DPP10: variants seen among roughly 807,000 people sequenced by gnomAD.
DPP10 encodes inactive dipeptidyl peptidase 10.
A neutral mutation model predicts 120.9 loss-of-function variants in DPP10; 33 were observed. That is an observed-to-expected ratio of 0.27 (90% CI 0.21 to 0.37). The LOEUF (loss-of-function observed/expected upper bound fraction) is 0.37. Ranked by LOEUF, DPP10 falls within the 10% of genes least tolerant of loss-of-function variation. The pLI is 1.00. For missense variants in DPP10, 816 were observed against 942.8 expected (o/e 0.87, Z 1.76); for synonymous variants, 337 against 326.1 (o/e 1.03, Z -0.36).
chr2:115,156,722 A>T (rs1334351351), intron 1 of DPP10, among the ~76,000 whole-genome samples: 2 of 152,228 alleles, frequency 1.3e-5, no homozygotes, highest in Non-Finnish European at 2.9e-5. Context: ...TGTCTTGGTT[A>T]TGGAAACGAG....
intron 1 of DPP10, among the ~76,000 whole-genome samples, chr2:114,986,217 T>C (rs1195699904): frequency 6.6e-6 from 1 of 152,252 alleles, no homozygotes; most frequent in Non-Finnish European, 1.5e-5. Context: ...TTTGCCTTCC[T>C]TTTATTTAGA....
At chr2:114,454,539 G>A (rs1678459705) in intron 1 of DPP10, among the ~76,000 whole-genome samples, 1 of 152,090 alleles carries the variant, frequency 6.6e-6, no homozygotes, top group South Asian at 2.1e-4. Context: ...CAGCTCTAAG[G>A]AACTAGTTTT....
At chr2:115,821,163 A>G (rs1687779749) in intron 21 of DPP10, among the ~76,000 whole-genome samples, 1 of 152,176 alleles carries the variant, frequency 6.6e-6, no homozygotes, top group Non-Finnish European at 1.5e-5. Flanking sequence ...TTCAAATAAT[A>G]AACATTGATT....
chr2:114,522,079 A>G (rs961196222), intron 1 of DPP10, among the ~76,000 whole-genome samples: 3 of 144,002 alleles, frequency 2.1e-5, no homozygotes, highest in Non-Finnish European at 1.5e-5. Context: ...TCCCGGGTTC[A>G]CGCCATTCTC....
Position 115,381,907 on chromosome 2 carries a change from C to T in DPP10, c.271+37995C>T, listed in dbSNP as rs530639104. The stretch of plus-strand genomic sequence containing the variant: ...GACCCACTTGAGGAGGCAGTCTGCC[C>T]GTTCTCAGATCTCCAGCTGCGTGCT... On this transcript the variant is annotated intron_variant, in intron 3 of 25. Transcript: ENST00000410059. 1.3e-4 allele frequency among the ~76,000 whole-genome samples: 20 copies of T among 152,136 alleles called. No homozygotes were observed. The South Asian group carries it at 3.1e-3, about 24-fold the overall frequency.
intron 1 of DPP10, among the ~76,000 whole-genome samples, chr2:115,251,421 A>G (rs559371580): frequency 6.6e-6 from 1 of 152,220 alleles, no homozygotes; most frequent in African/African-American, 2.4e-5. Flanking sequence ...CTGATCTGTA[A>G]ATTCAGTCAT....
At chr2:115,740,639 A>T (rs1677138303) in intron 9 of DPP10, among the ~76,000 whole-genome samples, 1 of 152,146 alleles carries the variant, frequency 6.6e-6, no homozygotes, top group Non-Finnish European at 1.5e-5. Flanking sequence ...TATGTTCCAG[A>T]CAGCAAAACT....
At chr2:114,662,139 C>T (rs1055592383) in intron 1 of DPP10, among the ~76,000 whole-genome samples, 8 of 152,138 alleles carry the variant, frequency 5.3e-5, no homozygotes, top group Non-Finnish European at 1.2e-4. Flanking sequence ...CCAGCAAAGC[C>T]AAAAATCAGG....
chr2:115,030,712 C>G (rs113984645), intron 1 of DPP10, among the ~76,000 whole-genome samples: 21,193 of 152,088 alleles, frequency 0.14, 1,531 homozygotes, highest in Middle Eastern at 0.16. Context: ...CATTCAGTTC[C>G]CACTTATAAG....
rs58796386 is a variant in DPP10 at position 114,570,836 on chromosome 2, T to TAA, written c.60+128021_60+128022dup. Reference sequence around the variant, plus strand: ...TGACAGAGTGAGACTCTGTCTCAAATAAAAAAAAAAAAAAAAAAAAAAAAG... The same window carrying TAA: ...TGACAGAGTGAGACTCTGTCTCAAATAAAAAAAAAAAAAAAAAAAAAAAAAAG... On this transcript the variant is annotated intron_variant, in intron 1 of 25. Transcript: ENST00000410059. Among the ~76,000 whole-genome samples the TAA allele has an allele frequency of 8.1e-4, 47 of 57,830 alleles. 1 individual carries two copies. The highest frequency in any genetic ancestry group is 2.0e-3 in the African/African-American group (39 of 19,860). 37.9% of individuals were successfully genotyped at this position (57,830 alleles called of 152,430 possible). A position where few individuals can be genotyped will look rare whatever the true frequency, so the allele number is the denominator to read the frequency against.
intron 3 of DPP10, among the ~76,000 whole-genome samples, chr2:115,444,801 G>T (rs936202683): frequency 6.6e-6 from 1 of 152,304 alleles, no homozygotes; most frequent in Admixed American, 6.5e-5. Flanking sequence ...CTAGATAGCT[G>T]TGTACCTATG....
chr2:114,987,994 G>A (rs1700521003), intron 1 of DPP10, among the ~76,000 whole-genome samples: 2 of 151,324 alleles, frequency 1.3e-5, no homozygotes, highest in African/African-American at 2.4e-5. Context: ...TAGTAGAGAC[G>A]GGGGTTTCTC....
At position 114,774,598 on chromosome 2, in the gene DPP10, G is replaced by A. The variant is rs141515497; in HGVS notation, c.60+331760G>A. Among the ~76,000 whole-genome samples, 936 of 148,390 alleles carry A rather than the reference G, an allele frequency of 6.3e-3. 7 individuals carry two copies. Among genetic ancestry groups the A allele is most frequent in the Non-Finnish European group, 0.01 (679 of 67,434 alleles). On this transcript the variant is annotated intron_variant, in intron 1 of 25. Transcript: ENST00000410059. ...TTAATATAGTTTCAAAGTTGTGAGC[G>A]TATCACTGTTCAGAAGTTAACTGCA... is the stretch of plus-strand genomic sequence containing the variant.
At position 115,470,592 on chromosome 2, in the gene DPP10, T is replaced by C. The variant is rs531861926; in HGVS notation, c.272-28918T>C. Among the ~76,000 whole-genome samples, 3 of 152,310 alleles carry C rather than the reference T, an allele frequency of 2.0e-5. No individual in the cohort carries two copies. The East Asian group carries it at 5.8e-4, about 29-fold the overall frequency. The stretch of plus-strand genomic sequence containing the variant: ...ATCCAGAAGAGAAACGATTGGAATG[T>C]TTGTATGGATTTGGGTTTTGATAGC... On this transcript the variant is annotated intron_variant, in intron 3 of 25. Transcript: ENST00000410059.
intron 19 of DPP10, among the ~76,000 whole-genome samples, chr2:115,808,056 G>GAA (rs1686214274): frequency 6.6e-6 from 1 of 152,172 alleles, no homozygotes; most frequent in African/African-American, 2.4e-5. Context: ...ATCTAACTAT[G>GAA]AAGAAGCTCG....
At chr2:115,418,508 C>T (rs1014018306) in intron 3 of DPP10, among the ~76,000 whole-genome samples, 2 of 152,130 alleles carry the variant, frequency 1.3e-5, no homozygotes, top group African/African-American at 2.4e-5. Flanking sequence ...CATTGGCTCA[C>T]ATCTGTAATT....
intron 1 of DPP10, among the ~76,000 whole-genome samples, chr2:115,124,033 AC>A (rs2049953934): frequency 6.6e-6 from 1 of 150,484 alleles, no homozygotes; most frequent in Admixed American, 6.6e-5. Flanking sequence ...TGAATCCTCA[AC>A]CTCCCAGGCT....
At chr2:115,185,807 C>T (rs2054395772) in intron 1 of DPP10, among the ~76,000 whole-genome samples, 1 of 152,158 alleles carries the variant, frequency 6.6e-6, no homozygotes, top group Non-Finnish European at 1.5e-5. Context: ...CAATATTAAA[C>T]ATGTAGGTCA....
intron 1 of DPP10, among the ~76,000 whole-genome samples, chr2:115,224,410 C>A (rs758123444): frequency 3.9e-5 from 6 of 151,986 alleles, no homozygotes; most frequent in Non-Finnish European, 8.8e-5. Context: ...AAAGTTGAAT[C>A]AGAAAAAGGA....
Sources: gnomAD v4.1 joint callset for allele counts (sites outside exome capture counted in the v4.1 genomes callset) on GRCh38, gnomAD v4.1.1 for gene constraint, MANE v1.5 for transcripts, NCBI Gene and HGNC (gene_info 2026-07-23, HGNC 2026-07-21) for gene names.